The following DYNC1I1 variants were observed in gnomAD, a reference collection of about 807,000 sequenced individuals.
DYNC1I1 encodes cytoplasmic dynein 1 intermediate chain 1.
Under a neutral mutation model 86.6 loss-of-function variants are expected in DYNC1I1, and 43 were observed. The ratio of observed to expected loss-of-function variants is 0.50; its 90% CI spans 0.39 to 0.64. DYNC1I1 has a LOEUF of 0.64. Among genes scored for constraint, DYNC1I1 ranks in the 30% least tolerant of loss-of-function variants. DYNC1I1 has a pLI of 0.00. For missense variants in DYNC1I1, 604 were observed against 788.8 expected, an observed-to-expected ratio of 0.77 and a Z score of 2.81; for synonymous variants, 262 against 283.7, an observed-to-expected ratio of 0.92 and a Z score of 0.77.
At chr7:95,969,888 C>G (rs139028429) in intron 6 of DYNC1I1, among the ~76,000 whole-genome samples, 23 of 152,230 alleles carry the variant, frequency 1.5e-4, no homozygotes, top group African/African-American at 5.5e-4. Flanking sequence ...TGTTTCTAGA[C>G]CAGAAAGTGA....
intron 4 of DYNC1I1, among the ~76,000 whole-genome samples, chr7:95,824,586 T>C (rs972679819): frequency 5.9e-5 from 9 of 152,206 alleles, no homozygotes; most frequent in Non-Finnish European, 1.2e-4. Flanking sequence ...TCTCTGCCCA[T>C]TGGTTAAATA....
intron 16 of DYNC1I1, among the ~76,000 whole-genome samples, chr7:96,092,700 C>T (rs2116319038): frequency 6.6e-6 from 1 of 152,244 alleles, no homozygotes; most frequent in East Asian, 1.9e-4. Flanking sequence ...GGACTGATCC[C>T]TGACATGGTC....
At chr7:95,858,941 TTAATATA>T (rs916874993) in intron 5 of DYNC1I1, among the ~76,000 whole-genome samples, 5 of 146,678 alleles carry the variant, frequency 3.4e-5, no homozygotes, top group Non-Finnish European at 6.0e-5. Context: ...ATATATTATA[TTAATATA>T]TAATATATAA....
intron 5 of DYNC1I1, among the ~76,000 whole-genome samples, chr7:95,866,208 G>C (rs374525199): frequency 1.1e-4 from 16 of 152,292 alleles, no homozygotes; most frequent in African/African-American, 3.9e-4. Context: ...ACTGGCTAGG[G>C]CTGGGAGTGA....
chr7:95,879,784 CA>C (rs1393698645), intron 6 of DYNC1I1, among the ~76,000 whole-genome samples: 1 of 152,152 alleles, frequency 6.6e-6, no homozygotes, highest in Non-Finnish European at 1.5e-5. Context: ...CCAGAAAGAG[CA>C]AGCTTCCCTC....
intron 6 of DYNC1I1, among the ~76,000 whole-genome samples, chr7:95,965,694 A>C (rs1245433534): frequency 2.0e-5 from 3 of 152,146 alleles, no homozygotes; most frequent in Admixed American, 2.0e-4. Flanking sequence ...ACCTTGCAGG[A>C]TGGTGGGCTT....
chr7:95,923,319 A>G (rs1179128862), intron 6 of DYNC1I1, among the ~76,000 whole-genome samples: 2 of 152,168 alleles, frequency 1.3e-5, no homozygotes, highest in Admixed American at 6.6e-5. Flanking sequence ...GACCATTAGG[A>G]CATAGTTAAT....
At chr7:96,032,810 C>A (rs1229811510) in intron 12 of DYNC1I1, 30 bp downstream of exon 12, 1 of 1,557,706 alleles carries the variant, frequency 6.4e-7, no homozygotes, top group Non-Finnish European at 8.9e-7. Flanking sequence ...CACATAACAC[C>A]ATCCTGGTTA....
chr7:95,929,846 T>A (rs1269218385), intron 6 of DYNC1I1, among the ~76,000 whole-genome samples: 1 of 152,246 alleles, frequency 6.6e-6, no homozygotes, highest in Non-Finnish European at 1.5e-5. Context: ...TGTGGTTCAT[T>A]CACTACCATG....
At chr7:95,998,376 C>T (rs1381493427) in intron 10 of DYNC1I1, among the ~76,000 whole-genome samples, 2 of 152,228 alleles carry the variant, frequency 1.3e-5, no homozygotes, top group African/African-American at 2.4e-5. Context: ...TATAAGGTAT[C>T]GATTAGACAT....
chr7:96,027,078 CT>C (rs904442816), intron 10 of DYNC1I1, among the ~76,000 whole-genome samples: 19 of 152,166 alleles, frequency 1.2e-4, no homozygotes, highest in Admixed American at 1.1e-3. Flanking sequence ...CAGAGGATAC[CT>C]TTTTCTGTTT....
At chr7:95,794,272 T>C (rs1384289847) in intron 1 of DYNC1I1, among the ~76,000 whole-genome samples, 1 of 152,198 alleles carries the variant, frequency 6.6e-6, no homozygotes, top group East Asian at 1.9e-4. Flanking sequence ...TACTGCTCTC[T>C]AGTTGTCCAA....
chr7:95,859,407 G>A (rs988446963), intron 5 of DYNC1I1, among the ~76,000 whole-genome samples: 3 of 152,188 alleles, frequency 2.0e-5, no homozygotes, highest in Non-Finnish European at 4.4e-5. Context: ...TCATGCATCA[G>A]TGTCTGTGCA....
intron 4 of DYNC1I1, among the ~76,000 whole-genome samples, chr7:95,821,374 A>G (rs756420404): frequency 1.3e-5 from 2 of 152,176 alleles, no homozygotes; most frequent in Non-Finnish European, 2.9e-5. Context: ...GTTATTTTGC[A>G]GAAGATATAT....
intron 14 of DYNC1I1, among the ~76,000 whole-genome samples, chr7:96,071,930 C>T (rs1790176590): frequency 6.6e-6 from 1 of 152,050 alleles, no homozygotes; most frequent in Non-Finnish European, 1.5e-5. Flanking sequence ...ATAGAAGGAC[C>T]ATATAGTCCC....
Position 96,039,433 on chromosome 7 carries a change from T to C in DYNC1I1, c.1509+12T>C, listed in dbSNP as rs942508413. 1.9e-6 allele frequency: 3 copies of C among 1,613,804 alleles called. No homozygotes were observed. The highest frequency in any genetic ancestry group is 2.5e-6 in the Non-Finnish European group (3 of 1,179,838). On this transcript the variant is annotated intron_variant, in intron 14 of 16. Coordinates refer to ENST00000447467, the MANE Select transcript of DYNC1I1 (RefSeq NM_001135556.2). ...TGTGGACCACCAAGGTAAGAATATC[T>C]TGACTGAAATTCTCAGATAATACAT...
intron 6 of DYNC1I1, among the ~76,000 whole-genome samples, chr7:95,967,032 T>C (rs1793033202): frequency 6.6e-6 from 1 of 152,042 alleles, no homozygotes; most frequent in African/African-American, 2.4e-5. Context: ...TTAGAACTAC[T>C]GGGGAAATTA....
chr7:95,850,650 C>T (rs945733311), intron 5 of DYNC1I1, among the ~76,000 whole-genome samples: 1 of 152,160 alleles, frequency 6.6e-6, no homozygotes, highest in African/African-American at 2.4e-5. Context: ...AAGCATGTGT[C>T]ATGCATTGTG....
intron 5 of DYNC1I1, among the ~76,000 whole-genome samples, chr7:95,842,967 T>C (rs1047232331): frequency 5.9e-5 from 9 of 152,242 alleles, no homozygotes; most frequent in Non-Finnish European, 8.8e-5. Context: ...TAAATTAACT[T>C]TGACCAAGTT....
Sources: gnomAD v4.1 joint callset for allele counts (sites outside exome capture counted in the v4.1 genomes callset) on GRCh38, gnomAD v4.1.1 for gene constraint, MANE v1.5 for transcripts, NCBI Gene and HGNC (gene_info 2026-07-23, HGNC 2026-07-21) for gene names.